Variants in DOCK8 observed in about 807,000 individuals in gnomAD.
The protein encoded by DOCK8 is dedicator of cytokinesis protein 8.
In DOCK8, 141 loss-of-function variants were observed where a neutral mutation model predicts 245.6. The ratio of observed to expected loss-of-function variants is 0.57; its 90% confidence interval spans 0.50 to 0.66. The LOEUF is 0.66. Among genes scored for constraint, DOCK8 ranks in the 30% least tolerant of loss-of-function variants. The pLI, the probability that DOCK8 is intolerant of heterozygous loss-of-function variation, is 0.00. For missense variants in DOCK8, 2,965 were observed against 2,603.4 expected (o/e 1.14, Z -3.02); for synonymous variants, 1,168 against 970.2 (o/e 1.20, Z -3.79).
chr9:292,422 A>T (rs766158885), intron 4 of DOCK8, among the ~76,000 whole-genome samples: 3 of 133,942 alleles, frequency 2.2e-5, no homozygotes, highest in Non-Finnish European at 4.7e-5. Flanking sequence ...AAGATTATTG[A>T]CACTACATGC....
At chr9:359,922 G>T (rs191628826) in intron 14 of DOCK8, among the ~76,000 whole-genome samples, 1 of 151,958 alleles carries the variant, frequency 6.6e-6, no homozygotes, top group Non-Finnish European at 1.5e-5. Context: ...GAAAAACAGA[G>T]CTTTTTATGT....
rs181660263 is a variant in DOCK8, at chr9:334,861, C to T, written c.1285+477C>T. 2.2e-3 allele frequency among the ~76,000 whole-genome samples: 328 copies of T among 152,202 alleles called. 1 individual carries two copies. The highest frequency in any genetic ancestry group is 6.8e-3 in the Middle Eastern group (2 of 294). On this transcript the variant is annotated intron_variant, in intron 11 of 47. Coordinates refer to ENST00000432829, the MANE Select transcript of DOCK8 (RefSeq NM_203447.4). ...CTTTGGGAGGCCGAGGTAGGCGGAT[C>T]GCTTGAAGCCAGGAGTTCGAGACCA...
At chr9:420,245 G>A (rs933591584) in intron 30 of DOCK8, 156 bp from the exon 31 acceptor site, 2 of 821,940 alleles carry the variant, frequency 2.4e-6, no homozygotes, top group African/African-American at 3.4e-5. Flanking sequence ...GGAAGGCAGG[G>A]CTACTGGCAA....
intron 43 of DOCK8, among the ~76,000 whole-genome samples, chr9:445,743 T>TTGTC (rs56690837): frequency 0.77 from 116,914 of 151,866 alleles, 45,703 homozygotes; most frequent in East Asian, 0.99. Context: ...TTTCTAGTCT[T>TTGTC]TGTTATGAAT....
At chr9:252,797 C>CAA (rs113508710) in intron 1 of DOCK8, among the ~76,000 whole-genome samples, 51,458 of 142,380 alleles carry the variant, frequency 0.36, 10,200 homozygotes, top group East Asian at 0.78. Context: ...GACTCCATCT[C>CAA]AAAAAAAAAA....
chr9:275,040 C>G (rs1378162492), intron 2 of DOCK8, among the ~76,000 whole-genome samples: 5 of 152,192 alleles, frequency 3.3e-5, no homozygotes, highest in African/African-American at 1.2e-4. Context: ...TCAGGTGAAT[C>G]TGGGATGAGG....
intron 26 of DOCK8, among the ~76,000 whole-genome samples, chr9:403,944 G>GTGTATATATATA (rs1564021492): frequency 1.5e-5 from 1 of 68,360 alleles, no homozygotes; most frequent in Non-Finnish European, 2.5e-5. Context: ...ATATATATAT[G>GTGTATATATATA]TGTATATATA....
In DOCK8 at chr9:336,600, A is replaced by G. The variant is rs769470292; in HGVS notation, c.1304A>G (p.Glu435Gly). Residue 435 changes from glutamate (E) to glycine (G), a missense_variant, in exon 12 of 48, where the codon GAA becomes GGA. By Grantham distance (98) the Glu-to-Gly change is moderately conservative. Coordinates refer to ENST00000432829, the MANE Select transcript of DOCK8 (RefSeq NM_203447.4). ...DSVVGRSSVGERRTLAQSRRL... is the reference protein window; with the variant it reads ...DSVVGRSSVGGRRTLAQSRRL... ...CTTAAAGGGAGAAGCTCAGTGGGTGAACGGAGGACATTGGCCCAATCTAGA... is the reference window on the plus strand; with the variant it reads ...CTTAAAGGGAGAAGCTCAGTGGGTGGACGGAGGACATTGGCCCAATCTAGA... 1 of 1,614,212 alleles carries G rather than the reference A, an allele frequency of 6.2e-7. No homozygotes were observed. The highest frequency in any genetic ancestry group is 1.7e-5 in the Admixed American group (1 of 60,026).
At chr9:429,370 C>G (rs1045084467) in intron 35 of DOCK8, among the ~76,000 whole-genome samples, 15 of 152,314 alleles carry the variant, frequency 9.8e-5, no homozygotes, top group African/African-American at 3.4e-4. Context: ...ACCATTTTCT[C>G]TTTCTTCATC....
intron 15 of DOCK8, 193 bp downstream of exon 15, chr9:368,328 C>T (rs562969207): frequency 8.6e-5 from 63 of 732,160 alleles, no homozygotes; most frequent in Admixed American, 4.1e-4. Flanking sequence ...ATCTCTTTCT[C>T]GGCTTATTCT....
intron 1 of DOCK8, among the ~76,000 whole-genome samples, chr9:227,169 A>G (rs893310926): frequency 6.6e-6 from 1 of 152,190 alleles, no homozygotes; most frequent in African/African-American, 2.4e-5. Context: ...TGCTTTTGTA[A>G]TTGGAAGAAG....
chr9:340,531 G>C, intron 14 of DOCK8: 2 of 555,888 alleles, frequency 3.6e-6, no homozygotes, highest in Admixed American at 2.6e-5. Flanking sequence ...TGAGGCAGGA[G>C]AATCGCTTGA....
chr9:344,723 G>C (rs1425343820), intron 14 of DOCK8, among the ~76,000 whole-genome samples: 1 of 152,146 alleles, frequency 6.6e-6, no homozygotes, highest in Non-Finnish European at 1.5e-5. Flanking sequence ...ATTGATAACA[G>C]GTATGGATTA....
chr9:414,956 T>G lies in DOCK8; in HGVS notation c.3700+5T>G. ...CACAGCTCTGTGACTTTACAGGTAA[T>G]GGCCCTTCTGTTTTCTTTCTTGGAT... is the stretch of plus-strand genomic sequence containing the variant. On this transcript the variant is annotated splice_donor_5th_base_variant and intron_variant, in intron 29 of 47. Coordinates refer to ENST00000432829, the MANE Select transcript of DOCK8 (RefSeq NM_203447.4). The G allele has an allele frequency of 6.2e-7, 1 of 1,613,006 alleles. No individual in the cohort carries two copies. Among genetic ancestry groups the G allele is most frequent in the East Asian group, 2.2e-5 (1 of 44,884 alleles).
At chr9:302,737 T>C (rs2049612366) in intron 4 of DOCK8, among the ~76,000 whole-genome samples, 1 of 152,018 alleles carries the variant, frequency 6.6e-6, no homozygotes, top group Admixed American at 6.6e-5. Flanking sequence ...CCAAAAAATA[T>C]ATGAAAAAAT....
rs575124269 is a variant in DOCK8, at chr9:404,811, A to C, written c.3235-107A>C. 4.9e-6 allele frequency: 6 copies of C among 1,230,938 alleles called. No homozygotes were observed. The African/African-American group carries it at 9.0e-5, about 18-fold the overall frequency. 76.3% of individuals were successfully genotyped at this position (1,230,938 alleles called of 1,614,324 possible). ...TGCACTATCCCATTAGTTTTTATTA[A>C]ATTGATTGCCTTAACCTGGAGAGAA... On this transcript the variant is annotated intron_variant, in intron 26 of 47. Transcript: ENST00000432829.
intron 14 of DOCK8, among the ~76,000 whole-genome samples, chr9:359,201 A>G (rs1158817867): frequency 6.6e-6 from 1 of 152,234 alleles, no homozygotes; most frequent in Non-Finnish European, 1.5e-5. Flanking sequence ...TATTTGGAGT[A>G]ACATCCCTTT....
At chr9:418,529 A>C (rs2056133893) in intron 30 of DOCK8, among the ~76,000 whole-genome samples, 1 of 152,146 alleles carries the variant, frequency 6.6e-6, no homozygotes, top group Non-Finnish European at 1.5e-5. Context: ...CAGCCTCCCA[A>C]AGTGCTGGGA....
At chr9:228,424 A>G (rs2047033587) in intron 1 of DOCK8, among the ~76,000 whole-genome samples, 1 of 152,114 alleles carries the variant, frequency 6.6e-6, no homozygotes, top group Non-Finnish European at 1.5e-5. Flanking sequence ...CTGACATACT[A>G]CCTTTCAGAA....
Sources: allele counts gnomAD v4.1 joint callset (sites outside exome capture counted in the v4.1 genomes callset), GRCh38; gene constraint gnomAD v4.1.1; transcripts MANE v1.5; gene names NCBI Gene and HGNC (gene_info 2026-07-23, HGNC 2026-07-21).